Variants in NCALD observed in about 807,000 individuals in gnomAD.
NCALD encodes neurocalcin delta.
In NCALD, 10 loss-of-function variants were observed where a neutral mutation model predicts 18.6. That is an observed-to-expected ratio of 0.54 (90% CI 0.33 to 0.91). The LOEUF is 0.91. Among genes scored for constraint, NCALD ranks in the 40% least tolerant of loss-of-function variants. NCALD has a pLI of 0.03. For missense variants in NCALD, 184 were observed against 247.6 expected (o/e 0.74, Z 1.72); for synonymous variants, 88 against 87.4 (o/e 1.01, Z -0.04).
intron 1 of NCALD, among the ~76,000 whole-genome samples, chr8:102,049,785 T>C (rs1586979856): frequency 6.6e-6 from 1 of 152,344 alleles, no homozygotes; most frequent in Admixed American, 6.5e-5. Flanking sequence ...TGATAGATTA[T>C]GTTAACCATC....
At chr8:101,728,450 C>T (rs537889250) in intron 1 of NCALD, among the ~76,000 whole-genome samples, 1 of 152,274 alleles carries the variant, frequency 6.6e-6, no homozygotes, top group East Asian at 1.9e-4. Flanking sequence ...TTGCAAGAAT[C>T]GAGCAGCTAA....
intron 2 of NCALD, among the ~76,000 whole-genome samples, chr8:101,935,984 C>G (rs1387429426): frequency 6.6e-6 from 1 of 151,720 alleles, no homozygotes; most frequent in Non-Finnish European, 1.5e-5. Context: ...ATGATTCATC[C>G]TAGTTAATAG....
At chr8:101,917,947 G>A (rs956192232) in intron 2 of NCALD, among the ~76,000 whole-genome samples, 4 of 151,942 alleles carry the variant, frequency 2.6e-5, no homozygotes, top group South Asian at 4.2e-4. Context: ...CCAAATAATC[G>A]AGGAGAAAGA....
At chr8:101,749,817 C>T (rs1252107171) in intron 1 of NCALD, among the ~76,000 whole-genome samples, 3 of 152,162 alleles carry the variant, frequency 2.0e-5, no homozygotes, top group Non-Finnish European at 2.9e-5. Flanking sequence ...CTCTCTCTTT[C>T]ATCTGGCTCT....
At chr8:101,919,889 CT>C (rs1417403573) in intron 2 of NCALD, among the ~76,000 whole-genome samples, 2 of 152,094 alleles carry the variant, frequency 1.3e-5, no homozygotes, top group Non-Finnish European at 2.9e-5. Context: ...ACAAAAGATG[CT>C]GGTGAGGCTA....
At chr8:101,973,527 T>A (rs1820317094) in intron 2 of NCALD, among the ~76,000 whole-genome samples, 1 of 152,210 alleles carries the variant, frequency 6.6e-6, no homozygotes, top group South Asian at 2.1e-4. Flanking sequence ...CCCTAAACTA[T>A]CTATGTGCTA....
chr8:101,740,313 T>C (rs1810131403), intron 1 of NCALD, among the ~76,000 whole-genome samples: 2 of 152,222 alleles, frequency 1.3e-5, no homozygotes, highest in African/African-American at 4.8e-5. Context: ...CATGAGTCCA[T>C]AGGACTTTCA....
chr8:101,786,785 G>A (rs1225741655), intron 1 of NCALD, among the ~76,000 whole-genome samples: 1 of 152,172 alleles, frequency 6.6e-6, no homozygotes, highest in African/African-American at 2.4e-5. Context: ...CAGCTGGAAT[G>A]TCTTTCAGGC....
At position 101,885,104 on chromosome 8, in the gene NCALD, C is replaced by T. The variant is rs568014081; in HGVS notation, c.-20+2037G>A. ...GAAAAATGAAATTCCATGTAACATC[C>T]TATAACTAAGAAGCTAGTCACATAG... On this transcript the variant is annotated intron_variant, in intron 4 of 6. Transcript: ENST00000311028. Among the ~76,000 whole-genome samples, 6 of 152,260 alleles carry T rather than the reference C, an allele frequency of 3.9e-5. No individual in the cohort carries two copies. The South Asian group carries it at 1.2e-3, about 32-fold the overall frequency.
At chr8:101,868,664 G>A (rs1198083038) in intron 4 of NCALD, among the ~76,000 whole-genome samples, 1 of 152,142 alleles carries the variant, frequency 6.6e-6, no homozygotes, top group African/African-American at 2.4e-5. Context: ...ATGAGGAGAA[G>A]CACAGACCAA....
chr8:101,911,117 AAT>A (rs1229745285), intron 3 of NCALD, among the ~76,000 whole-genome samples: 1 of 152,184 alleles, frequency 6.6e-6, no homozygotes, highest in Non-Finnish European at 1.5e-5. Flanking sequence ...TTATCTGCTA[AAT>A]GAGTTATTTT....
chr8:101,879,578 G>A (rs1022081232), intron 4 of NCALD, among the ~76,000 whole-genome samples: 5 of 152,174 alleles, frequency 3.3e-5, no homozygotes, highest in African/African-American at 4.8e-5. Context: ...GGACCTCAAC[G>A]GGTTACAACG....
At chr8:101,982,610 G>C (rs1820662279) in intron 2 of NCALD, among the ~76,000 whole-genome samples, 1 of 152,128 alleles carries the variant, frequency 6.6e-6, no homozygotes, top group South Asian at 2.1e-4. Flanking sequence ...AGAGGCCGAG[G>C]CTGGTGGATC....
At chr8:101,728,637 G>A (rs1816678530) in intron 1 of NCALD, among the ~76,000 whole-genome samples, 1 of 152,148 alleles carries the variant, frequency 6.6e-6, no homozygotes, top group Non-Finnish European at 1.5e-5. Flanking sequence ...TGGCTAACAC[G>A]GTGAAACCCC....
intron 2 of NCALD, among the ~76,000 whole-genome samples, chr8:101,948,463 G>C (rs1819264600): frequency 6.6e-6 from 1 of 152,200 alleles, no homozygotes; most frequent in Non-Finnish European, 1.5e-5. Flanking sequence ...TGATTTTAAT[G>C]TATCCAAGGC....
intron 2 of NCALD, among the ~76,000 whole-genome samples, chr8:101,930,008 T>C (rs1029988511): frequency 6.6e-6 from 1 of 151,936 alleles, no homozygotes; most frequent in Non-Finnish European, 1.5e-5. Context: ...TGAGCCAAGA[T>C]CACACCACTG....
At chr8:101,911,347 C>CTT (rs923592706) in intron 3 of NCALD, among the ~76,000 whole-genome samples, 1 of 144,876 alleles carries the variant, frequency 6.9e-6, no homozygotes, top group South Asian at 2.2e-4. Flanking sequence ...TTTCTCTTTT[C>CTT]TTTTTTTTCT....
intron 2 of NCALD, among the ~76,000 whole-genome samples, chr8:101,714,211 T>C (rs1815952610): frequency 6.6e-6 from 1 of 152,210 alleles, no homozygotes; most frequent in Non-Finnish European, 1.5e-5. Flanking sequence ...TTTCTCTGTT[T>C]GCAGATGACA....
chr8:101,998,101 T>G (rs1180031731), intron 2 of NCALD, among the ~76,000 whole-genome samples: 1 of 151,950 alleles, frequency 6.6e-6, no homozygotes, highest in Non-Finnish European at 1.5e-5. Context: ...AAATGCAGGC[T>G]CCACATTCTT....
Sources: allele counts gnomAD v4.1 joint callset (sites outside exome capture counted in the v4.1 genomes callset), GRCh38; gene constraint gnomAD v4.1.1; transcripts MANE v1.5; gene names NCBI Gene and HGNC (gene_info 2026-07-23, HGNC 2026-07-21).